Variants in LOC728392 observed in about 807,000 individuals in gnomAD.
the LOC728392 span, chr17:5,500,617 T>C: frequency 1.6e-6 from 2 of 1,264,144 alleles, no homozygotes; most frequent in African/African-American, 1.6e-5. The surrounding 1 kb of genome is among the most constrained non-coding windows in gnomAD (Gnocchi z 5.4). Context: ...TGTAAATGGA[T>C]ATAGGTAAAG....
chr17:5,499,991 C>T, the LOC728392 span: 1 of 986,070 alleles, frequency 1.0e-6, no homozygotes, highest in Non-Finnish European at 1.2e-6. Context: ...AGCCGGAGCC[C>T]CTGGGGGCGC....
At chr17:5,500,459 C>A in the LOC728392 span, 15 of 1,145,662 alleles carry the variant, frequency 1.3e-5, no homozygotes, top group South Asian at 3.7e-5. This position sits in a 1 kb window ranked among gnomAD's most constrained non-coding sequence, Gnocchi z 5.4. Flanking sequence ...AAGATAGTGA[C>A]AACAAAGACG....
chr17:5,499,856 T>C, the LOC728392 span: 1 of 985,684 alleles, frequency 1.0e-6, no homozygotes, highest in Non-Finnish European at 1.2e-6. Context: ...CAGCCACAGG[T>C]CCCGCGAGTC....
chr17:5,499,986 G>A, the LOC728392 span: 1 of 985,946 alleles, frequency 1.0e-6, no homozygotes, highest in East Asian at 1.1e-4. Context: ...TGGTCAGCCG[G>A]AGCCCCTGGG....
At chr17:5,499,659 A>G in the LOC728392 span, 20 of 641,474 alleles carry the variant, frequency 3.1e-5, no homozygotes, top group African/African-American at 3.9e-4. Flanking sequence ...TCCCGCACGA[A>G]CTCTTGTCAA....
chr17:5,500,782 G>C, the LOC728392 span: 16 of 1,175,290 alleles, frequency 1.4e-5, no homozygotes, highest in Non-Finnish European at 1.7e-5. The surrounding 1 kb of genome is among the most constrained non-coding windows in gnomAD (Gnocchi z 5.4). Flanking sequence ...CGGCCCCCCT[G>C]CGCCCTCCCG....
the LOC728392 span, chr17:5,500,120 C>T: frequency 1.0e-6 from 1 of 986,622 alleles, no homozygotes; most frequent in Non-Finnish European, 1.2e-6. The surrounding 1 kb of genome is among the most constrained non-coding windows in gnomAD (Gnocchi z 5.4). Context: ...CTCCTGGGGG[C>T]GATGCAGCAT....
At chr17:5,500,435 C>G in the LOC728392 span, 17 of 1,133,378 alleles carry the variant, frequency 1.5e-5, no homozygotes, top group African/African-American at 2.8e-4. The surrounding 1 kb of genome is among the most constrained non-coding windows in gnomAD (Gnocchi z 5.4). Flanking sequence ...TTTGTACTTT[C>G]GTACTGATAG....
the LOC728392 span, chr17:5,500,637 G>A: frequency 1.6e-6 from 2 of 1,276,406 alleles, no homozygotes; most frequent in East Asian, 1.4e-4. The surrounding 1 kb of genome is among the most constrained non-coding windows in gnomAD (Gnocchi z 5.4). Context: ...GATGCAGGAG[G>A]TGATGGAGAA....
At chr17:5,500,901 T>A in the LOC728392 span, 2 of 1,258,112 alleles carry the variant, frequency 1.6e-6, no homozygotes, top group African/African-American at 3.2e-5. The surrounding 1 kb of genome is among the most constrained non-coding windows in gnomAD (Gnocchi z 5.4). Flanking sequence ...GGACTCGGGG[T>A]CCGGGCGAAT....
chr17:5,500,727 T>C, the LOC728392 span: 2 of 1,240,676 alleles, frequency 1.6e-6, no homozygotes, highest in Non-Finnish European at 2.1e-6. This position sits in a 1 kb window ranked among gnomAD's most constrained non-coding sequence, Gnocchi z 5.4. Flanking sequence ...AGGCGCCTCC[T>C]TCTTGGGCGG....
the LOC728392 span, chr17:5,500,742 C>CG: frequency 8.1e-7 from 1 of 1,236,216 alleles, no homozygotes; most frequent in Admixed American, 3.2e-5. The surrounding 1 kb of genome is among the most constrained non-coding windows in gnomAD (Gnocchi z 5.4). Flanking sequence ...GGGCGGGGGG[C>CG]GCGATGCGGC....
chr17:5,499,893 T>C, the LOC728392 span: 2 of 985,520 alleles, frequency 2.0e-6, no homozygotes, highest in Non-Finnish European at 2.4e-6. Context: ...CGTGGTCTCC[T>C]GGTGAGACAG....
chr17:5,500,034 G>C, the LOC728392 span: 1 of 986,178 alleles, frequency 1.0e-6, no homozygotes, highest in African/African-American at 1.7e-5. This position sits in a 1 kb window ranked among gnomAD's most constrained non-coding sequence, Gnocchi z 5.4. Context: ...CACTTACCGA[G>C]TCCCGCCCTC....
the LOC728392 span, chr17:5,500,742 C>A: frequency 4.0e-6 from 5 of 1,236,244 alleles, no homozygotes; most frequent in African/African-American, 6.6e-5. The surrounding 1 kb of genome is among the most constrained non-coding windows in gnomAD (Gnocchi z 5.4). Flanking sequence ...GGGCGGGGGG[C>A]GCGATGCGGC....
At chr17:5,500,162 G>T in the LOC728392 span, 1 of 986,688 alleles carries the variant, frequency 1.0e-6, no homozygotes, top group Admixed American at 6.1e-5. This position sits in a 1 kb window ranked among gnomAD's most constrained non-coding sequence, Gnocchi z 5.4. Flanking sequence ...GGGCCAGGGC[G>T]CCGACCCTCC....
At chr17:5,500,842 C>A in the LOC728392 span, 1 of 1,213,228 alleles carries the variant, frequency 8.2e-7, no homozygotes, top group South Asian at 1.4e-5. This position sits in a 1 kb window ranked among gnomAD's most constrained non-coding sequence, Gnocchi z 5.4. Context: ...GACCTGGGCC[C>A]GCGGGCAGCG....
At chr17:5,499,614 CT>C in the LOC728392 span, 84,145 of 273,694 alleles carry the variant, frequency 0.31, 14,307 homozygotes, top group African/African-American at 0.54. Flanking sequence ...CCTTTTGAGT[CT>C]TAAGATGACA....
chr17:5,500,962 G>A, the LOC728392 span: 1 of 1,245,714 alleles, frequency 8.0e-7, no homozygotes, highest in Non-Finnish European at 1.0e-6. This position sits in a 1 kb window ranked among gnomAD's most constrained non-coding sequence, Gnocchi z 5.4. Flanking sequence ...GCCATGGGCA[G>A]GATCGCGGGT....
Sources: gnomAD v4.1 joint callset for allele counts on GRCh38, gnomAD v4.1.1 for gene constraint, Gnocchi (gnomAD v3.1) non-coding constraint, MANE v1.5 for transcripts.